TRIO: variants seen among roughly 807,000 people sequenced by gnomAD.
The protein encoded by TRIO is triple functional domain protein.
Under a neutral mutation model 351.9 loss-of-function variants are expected in TRIO, and 58 were observed. The ratio of observed to expected loss-of-function variants is 0.16; its 90% confidence interval spans 0.13 to 0.21. The LOEUF is 0.21. Among genes scored for constraint, TRIO ranks in the 10% least tolerant of loss-of-function variants. The pLI, the probability that TRIO is intolerant of heterozygous loss-of-function variation, is 1.00. For missense variants in TRIO, 3,201 were observed against 4,027.8 expected, an observed-to-expected ratio of 0.79 and a Z score of 5.56; for synonymous variants, 1,758 against 1,595.7, an observed-to-expected ratio of 1.10 and a Z score of -2.42.
intron 3 of TRIO, among the ~76,000 whole-genome samples, chr5:14,282,026 G>A (rs1006906700): frequency 3.9e-5 from 6 of 152,190 alleles, no homozygotes; most frequent in African/African-American, 1.4e-4. Context: ...ATCAGCTTTT[G>A]GTCTTGATAG....
At chr5:14,200,917 A>G (rs1235826032) in intron 1 of TRIO, among the ~76,000 whole-genome samples, 1 of 152,160 alleles carries the variant, frequency 6.6e-6, no homozygotes, top group Non-Finnish European at 1.5e-5. Context: ...TCATGTTTAA[A>G]TGATTTAGAA....
intron 7 of TRIO, among the ~76,000 whole-genome samples, chr5:14,301,932 T>C (rs1353596600): frequency 1.3e-5 from 2 of 152,106 alleles, no homozygotes; most frequent in Non-Finnish European, 2.9e-5. Flanking sequence ...TGTAAAACCA[T>C]GGCTAGGATT....
At chr5:14,439,079 A>G (rs1198658730) in intron 34 of TRIO, among the ~76,000 whole-genome samples, 3 of 152,186 alleles carry the variant, frequency 2.0e-5, no homozygotes, top group Non-Finnish European at 2.9e-5. Flanking sequence ...GCAATGGCAC[A>G]ATCTCAGCTC....
At chr5:14,182,980 C>T (rs903923370) in intron 1 of TRIO, among the ~76,000 whole-genome samples, 1 of 152,130 alleles carries the variant, frequency 6.6e-6, no homozygotes, top group African/African-American at 2.4e-5. Context: ...TGCTCCCTTT[C>T]CTCTGAGCTG....
At chr5:14,188,039 C>G (rs571629690) in intron 1 of TRIO, among the ~76,000 whole-genome samples, 7 of 152,228 alleles carry the variant, frequency 4.6e-5, no homozygotes, top group Non-Finnish European at 1.0e-4. Context: ...TAGACTAGAA[C>G]ACCTTCAAGA....
chr5:14,391,955 G>C (rs1245329379), intron 27 of TRIO, among the ~76,000 whole-genome samples: 1 of 152,130 alleles, frequency 6.6e-6, no homozygotes, highest in African/African-American at 2.4e-5. Context: ...GCCTTTTCTT[G>C]TTAATATTTC....
At chr5:14,471,266 C>A in intron 37 of TRIO, 52 bp from the exon 38 acceptor site, 1 of 1,529,362 alleles carries the variant, frequency 6.5e-7, no homozygotes, top group Admixed American at 1.9e-5. Flanking sequence ...TAGTTTTAGC[C>A]AATCATGGGC....
At chr5:14,386,328 G>A (rs1321837362) in intron 21 of TRIO, among the ~76,000 whole-genome samples, 2 of 152,168 alleles carry the variant, frequency 1.3e-5, no homozygotes, top group African/African-American at 4.8e-5. Flanking sequence ...GCTGTTGGGT[G>A]GCTAGGGGCT....
chr5:14,388,471 CTATTTGTGATT>C, intron 23 of TRIO, 131 bp from the exon 24 acceptor site: 1 of 783,512 alleles, frequency 1.3e-6, no homozygotes, highest in Non-Finnish European at 2.1e-6. Context: ...GGATACTGTT[CTATTTGTGATT>C]CACCTCTCCA....
intron 49 of TRIO, among the ~76,000 whole-genome samples, chr5:14,494,706 C>T (rs1210329695): frequency 6.6e-6 from 1 of 152,028 alleles, no homozygotes; most frequent in Non-Finnish European, 1.5e-5. Context: ...CGAGACCAGC[C>T]TGACAAGTAT....
intron 1 of TRIO, among the ~76,000 whole-genome samples, chr5:14,237,192 T>C (rs1793827983): frequency 6.6e-6 from 1 of 152,222 alleles, no homozygotes; most frequent in African/African-American, 2.4e-5. Context: ...TTTTGAAATA[T>C]GTGCAAATAC....
At chr5:14,238,496 T>C (rs1226955331) in intron 1 of TRIO, among the ~76,000 whole-genome samples, 1 of 152,224 alleles carries the variant, frequency 6.6e-6, no homozygotes, top group Non-Finnish European at 1.5e-5. Context: ...TGGGTCCCTG[T>C]GGGCCCCGTG....
chr5:14,230,509 C>T (rs893190720), intron 1 of TRIO, among the ~76,000 whole-genome samples: 1 of 152,030 alleles, frequency 6.6e-6, no homozygotes, highest in African/African-American at 2.4e-5. Context: ...AGAGTGGTTA[C>T]ATGTGGGGAT....
rs71597902 is a variant in TRIO, at chr5:14,196,422, CAAAA to C, written c.157+52556_157+52559del. 4.9e-5 allele frequency among the ~76,000 whole-genome samples: 5 copies of C among 101,676 alleles called. No individual in the cohort carries two copies. In the East Asian group the frequency reaches 1.2e-3, roughly 24 times the overall value. The allele number at this position is 101,676 out of a possible 152,430, so 66.7% of individuals were successfully genotyped here. Reference sequence around the variant, plus strand: ...TGGGCAACAGAGCCAGACTCCGTCTCAAAAAAAAAAAAAAAAAAAGGATTTGCTG... The same window carrying C: ...TGGGCAACAGAGCCAGACTCCGTCTCAAAAAAAAAAAAAAAGGATTTGCTG... On this transcript the variant is annotated intron_variant, in intron 1 of 56. Coordinates refer to ENST00000344204, the MANE Select transcript of TRIO (RefSeq NM_007118.4).
chr5:14,309,114 C>T (rs1205462188), intron 8 of TRIO, among the ~76,000 whole-genome samples: 2 of 126,106 alleles, frequency 1.6e-5, no homozygotes, highest in Non-Finnish European at 3.2e-5. Context: ...CATGCACATA[C>T]ACATCCATAT....
At position 14,508,853 on chromosome 5, in the gene TRIO, T is replaced by C; in HGVS notation, c.*431T>C. ...CTAGGTGGCGGCCACTCCCATGGCCTTGTCTAGGACTCAGAGACCACTCGG... is the reference window on the plus strand; with the variant it reads ...CTAGGTGGCGGCCACTCCCATGGCCCTGTCTAGGACTCAGAGACCACTCGG... On this transcript the variant is annotated 3_prime_UTR_variant, in exon 57 of 57. Transcript: ENST00000344204. The C allele has an allele frequency of 5.7e-6, 1 of 175,384 alleles. No individual in the cohort carries two copies. The allele number at this position is 175,384 out of a possible 1,614,324, so 10.9% of individuals were successfully genotyped here. A position where few individuals can be genotyped will look rare whatever the true frequency, so the allele number is the denominator to read the frequency against.
chr5:14,293,485 G>T lies in TRIO; in HGVS notation c.1176+351G>T, dbSNP rs189624736. Among the ~76,000 whole-genome samples the T allele has an allele frequency of 1.1e-3, 170 of 152,344 alleles. 1 individual carries two copies. Among genetic ancestry groups the T allele is most frequent in the Non-Finnish European group, 2.1e-3 (144 of 68,030 alleles). Reference sequence around the variant, plus strand: ...GGAGGCACAGTGAGTCCCCCAGACGGAGCGCTGTCAGTTTGCTGGCTGCTG... The same window carrying T: ...GGAGGCACAGTGAGTCCCCCAGACGTAGCGCTGTCAGTTTGCTGGCTGCTG... On this transcript the variant is annotated intron_variant, in intron 6 of 56. Transcript: ENST00000344204.
chr5:14,256,480 A>G (rs245577), intron 1 of TRIO, among the ~76,000 whole-genome samples: 118,608 of 152,100 alleles, frequency 0.78, 46,538 homozygotes, highest in East Asian at 0.98. Context: ...AGGGAGGGGC[A>G]TGGGGAAGGC....
At chr5:14,450,154 GAGATCGACGCGGCCGGCCTCAT>G (rs1041713230) in intron 34 of TRIO, among the ~76,000 whole-genome samples, 5 of 152,224 alleles carry the variant, frequency 3.3e-5, no homozygotes, top group African/African-American at 9.6e-5. Flanking sequence ...TCTGTTTGGT[GAGATCGACGCGGCCGGCCTCAT>G]ATCTCTAGGA....
Sources: gnomAD v4.1 joint callset for allele counts (sites outside exome capture counted in the v4.1 genomes callset) on GRCh38, gnomAD v4.1.1 for gene constraint, MANE v1.5 for transcripts, NCBI Gene and HGNC (gene_info 2026-07-23, HGNC 2026-07-21) for gene names.